The following C1GALT1 variants were observed in gnomAD, a reference collection of about 807,000 sequenced individuals.
C1GALT1 encodes the protein core 1 synthase, glycoprotein-N-acetylgalactosamine 3-beta-galactosyltransferase 1, also known as glycoprotein-N-acetylgalactosamine 3-beta-galactosyltransferase 1.
Under a neutral mutation model 31.0 loss-of-function variants are expected in C1GALT1, and 11 were observed. The ratio of observed to expected loss-of-function variants is 0.36; its 90% CI spans 0.22 to 0.59. C1GALT1 has a LOEUF of 0.59. Among genes scored for constraint, C1GALT1 ranks in the 20% least tolerant of loss-of-function variants. C1GALT1 has a pLI of 0.79. For missense variants in C1GALT1, 424 were observed against 425.2 expected (o/e 1.00, Z 0.03); for synonymous variants, 175 against 143.6 (o/e 1.22, Z -1.56).
At chr7:7,186,597 A>T (rs1023056481) in intron 1 of C1GALT1, among the ~76,000 whole-genome samples, 1 of 152,234 alleles carries the variant, frequency 6.6e-6, no homozygotes. Context: ...ATGAATAAGT[A>T]AAATAATATT....
chr7:7,157,604 G>A (rs1780286509), intron 2 of C1GALT1, among the ~76,000 whole-genome samples: 1 of 152,134 alleles, frequency 6.6e-6, no homozygotes, highest in African/African-American at 2.4e-5. Flanking sequence ...CTACTGTCTT[G>A]ACTGGCTTCT....
At chr7:7,174,874 G>A (rs1780488846) in intron 2 of C1GALT1, among the ~76,000 whole-genome samples, 1 of 151,854 alleles carries the variant, frequency 6.6e-6, no homozygotes, top group African/African-American at 2.4e-5. Context: ...CACTGTCAAT[G>A]TTTTCATTTC....
At chr7:7,207,335 CTTTTTTTTTTTTTTTTT>C (rs57510429) in intron 1 of C1GALT1, among the ~76,000 whole-genome samples, 4 of 47,972 alleles carry the variant, frequency 8.3e-5, no homozygotes, top group Non-Finnish European at 1.5e-4. Context: ...TACTCTGTTG[CTTTTTTTTTTTTTTTTT>C]TTTTTTTTTT....
intron 1 of C1GALT1, among the ~76,000 whole-genome samples, chr7:7,186,618 A>G (rs1780827292): frequency 6.6e-6 from 1 of 152,244 alleles, no homozygotes; most frequent in Admixed American, 6.5e-5. Flanking sequence ...TGATATTAAT[A>G]GGTGCTGTGG....
intron 1 of C1GALT1, among the ~76,000 whole-genome samples, chr7:7,184,860 T>C (rs1488322388): frequency 1.3e-5 from 2 of 152,258 alleles, no homozygotes; most frequent in Admixed American, 6.5e-5. Flanking sequence ...GAAAGAAAGG[T>C]ATGACAAAAA....
chr7:7,185,003 A>G (rs1306113725), intron 1 of C1GALT1, among the ~76,000 whole-genome samples: 4 of 152,216 alleles, frequency 2.6e-5, no homozygotes, highest in African/African-American at 9.6e-5. Context: ...AGGAACTCCA[A>G]TGTGTACTTA....
In C1GALT1 at chr7:7,238,818, G is replaced by A; in HGVS notation, c.784G>A (p.Gly262Arg). ...AGCAGGAGATTCCAGAGATACCATTGGAAAAGAAACTTTTCATCCCTTTGT... is the reference window on the plus strand; with the variant it reads ...AGCAGGAGATTCCAGAGATACCATTAGAAAAGAAACTTTTCATCCCTTTGT... Reference protein sequence around the residue: ...VEAGDSRDTIGKETFHPFVPE... With the variant: ...VEAGDSRDTIRKETFHPFVPE... The change falls in exon 3 of 4, where the codon GGA becomes AGA. Residue 262 changes from glycine to arginine, a missense_variant. This residue lies in a region of C1GALT1 where 191 missense variants were observed against 188.8 expected (regional missense o/e 1.01). Transcript: ENST00000436587. The surrounding 1 kb of genome is among the most constrained non-coding windows in gnomAD (Gnocchi z 5.2). 1 of 1,613,712 alleles carries A rather than the reference G, an allele frequency of 6.2e-7. No individual in the cohort carries two copies. The highest frequency in any genetic ancestry group is 1.1e-5 in the South Asian group (1 of 91,062).
At chr7:7,200,958 G>A (rs781396919) in intron 1 of C1GALT1, among the ~76,000 whole-genome samples, 18 of 152,122 alleles carry the variant, frequency 1.2e-4, no homozygotes, top group Admixed American at 2.6e-4. Flanking sequence ...CCTTTAGCTC[G>A]GAGAATTTGT....
At chr7:7,194,879 A>G (rs567685584) in intron 1 of C1GALT1, among the ~76,000 whole-genome samples, 41 of 151,812 alleles carry the variant, frequency 2.7e-4, no homozygotes, top group Admixed American at 2.6e-4. Context: ...CAGAGTTTCT[A>G]TTTCTTCCTG....
chr7:7,175,455 C>T (rs1166767302), intron 2 of C1GALT1, among the ~76,000 whole-genome samples: 5 of 152,322 alleles, frequency 3.3e-5, no homozygotes, highest in African/African-American at 7.2e-5. Flanking sequence ...TAAATTCCCA[C>T]GTATATATGG....
At chr7:7,196,098 T>C (rs1781274182) in intron 1 of C1GALT1, among the ~76,000 whole-genome samples, 1 of 152,204 alleles carries the variant, frequency 6.6e-6, no homozygotes, top group South Asian at 2.1e-4. Context: ...AGTTCTAGGG[T>C]ACATGTGCAC....
intron 1 of C1GALT1, among the ~76,000 whole-genome samples, chr7:7,221,039 GAT>G (rs1286822363): frequency 1.3e-5 from 2 of 152,254 alleles, no homozygotes; most frequent in East Asian, 3.9e-4. Flanking sequence ...GAGGTTTCAT[GAT>G]ATGTCTTTAT....
At chr7:7,189,738 A>C (rs56353234) in intron 1 of C1GALT1, among the ~76,000 whole-genome samples, 1 of 152,266 alleles carries the variant, frequency 6.6e-6, no homozygotes, top group African/African-American at 2.4e-5. Flanking sequence ...ACAGCTTCTG[A>C]GTGTGGGAGA....
chr7:7,196,997 G>A (rs766359009), intron 1 of C1GALT1, among the ~76,000 whole-genome samples: 6 of 152,078 alleles, frequency 3.9e-5, no homozygotes, highest in South Asian at 2.1e-4. Context: ...TAGGTTGCCC[G>A]TTCACTCTGA....
At chr7:7,199,926 A>T (rs4473928) in intron 1 of C1GALT1, among the ~76,000 whole-genome samples, 1 of 151,908 alleles carries the variant, frequency 6.6e-6, no homozygotes, top group East Asian at 1.9e-4. Flanking sequence ...TTTTGAGCCT[A>T]TGTGTGTCTC....
At position 7,247,307 on chromosome 7, in the gene C1GALT1, G is replaced by A. The variant is rs1207404897; in HGVS notation, c.*3580G>A. On this transcript the variant is annotated 3_prime_UTR_variant, in exon 4 of 4. Transcript: ENST00000436587. ...GTTATTTGGTAAATGATTTCAGTAT[G>A]GTTTTAAAACATAAGGCTTTTGATG... The A allele has an allele frequency of 6.6e-6, 1 of 151,970 alleles. No individual in the cohort carries two copies. The highest frequency in any genetic ancestry group is 2.4e-5 in the African/African-American group (1 of 41,414). 9.4% of individuals were successfully genotyped at this position (151,970 alleles called of 1,614,324 possible).
In C1GALT1 at chr7:7,218,785, C is replaced by G. The variant is rs186736536; in HGVS notation, c.-17-15518C>G. Among the ~76,000 whole-genome samples the G allele has an allele frequency of 5.3e-5, 8 of 151,968 alleles. No homozygotes were observed. The East Asian group carries it at 1.5e-3, about 29-fold the overall frequency. Reference sequence around the variant, plus strand: ...GCACCTTCCAAAGATTACAGAAAACCTTGTAATTGGGTTTAAAATCAAATT... The same window carrying G: ...GCACCTTCCAAAGATTACAGAAAACGTTGTAATTGGGTTTAAAATCAAATT... On this transcript the variant is annotated intron_variant, in intron 1 of 3. Transcript: ENST00000436587.
chr7:7,235,998 T>C (rs1359705280), intron 2 of C1GALT1, among the ~76,000 whole-genome samples: 3 of 152,218 alleles, frequency 2.0e-5, no homozygotes, highest in African/African-American at 2.4e-5. Flanking sequence ...GGTGAACTTA[T>C]AACCTATTTT....
At chr7:7,188,667 G>GTA (rs1230836682) in intron 1 of C1GALT1, among the ~76,000 whole-genome samples, 2 of 152,054 alleles carry the variant, frequency 1.3e-5, no homozygotes, top group South Asian at 2.1e-4. Flanking sequence ...AATATCATAT[G>GTA]TATATATATC....
Sources: allele counts gnomAD v4.1 joint callset (sites outside exome capture counted in the v4.1 genomes callset), GRCh38; gene constraint gnomAD v4.1.1; regional missense constraint gnomAD v4.1.1; non-coding constraint Gnocchi (gnomAD v3.1); transcripts MANE v1.5; gene names NCBI Gene and HGNC (gene_info 2026-07-23, HGNC 2026-07-21).